Variants in MSRB3 observed in about 807,000 individuals in gnomAD.
MSRB3 encodes the protein methionine-R-sulfoxide reductase B3.
A neutral mutation model predicts 21.0 loss-of-function variants in MSRB3; 13 were observed. The observed-to-expected ratio is 0.62, with a 90% CI of 0.40 to 0.98. The LOEUF (loss-of-function observed/expected upper bound fraction) is 0.98. MSRB3 is among the 50% of genes least tolerant of loss of function. The probability of loss-of-function intolerance (pLI) is 0.00; values close to 1 mark genes in which losing one functional copy is unlikely to be tolerated. For synonymous variants in MSRB3, 87 were observed against 88.6 expected, an observed-to-expected ratio of 0.98 and a Z score of 0.10; for missense variants, 199 against 230.3, an observed-to-expected ratio of 0.86 and a Z score of 0.88.
intron 5 of MSRB3, among the ~76,000 whole-genome samples, chr12:65,420,527 G>T (rs1881236423): frequency 6.6e-6 from 1 of 151,868 alleles, no homozygotes; most frequent in South Asian, 2.1e-4. Context: ...TTGTTATATA[G>T]GTAAACTCAT....
At chr12:65,409,191 TAC>T (rs569976939) in intron 5 of MSRB3, among the ~76,000 whole-genome samples, 14 of 151,276 alleles carry the variant, frequency 9.3e-5, no homozygotes, top group Admixed American at 1.3e-4. Flanking sequence ...TGTGTGTATA[TAC>T]ACACACACAC....
intron 5 of MSRB3, among the ~76,000 whole-genome samples, chr12:65,416,101 C>T (rs1880959173): frequency 6.6e-6 from 1 of 152,208 alleles, no homozygotes; most frequent in Non-Finnish European, 1.5e-5. Flanking sequence ...AGCCCAGAGG[C>T]ATCTTACAAA....
intron 2 of MSRB3, among the ~76,000 whole-genome samples, chr12:65,326,185 G>C (rs1875015041): frequency 6.6e-6 from 1 of 151,958 alleles, no homozygotes; most frequent in African/African-American, 2.4e-5. Context: ...AAAGTTTCTT[G>C]CTGCCCATTT....
chr12:65,300,387 A>G (rs747892820), intron 1 of MSRB3, among the ~76,000 whole-genome samples: 1 of 152,170 alleles, frequency 6.6e-6, no homozygotes, highest in African/African-American at 2.4e-5. Flanking sequence ...GATATTTAGG[A>G]TAGAAGGGAT....
intron 5 of MSRB3, among the ~76,000 whole-genome samples, chr12:65,446,486 A>G (rs1467937045): frequency 6.6e-6 from 1 of 152,226 alleles, no homozygotes; most frequent in Non-Finnish European, 1.5e-5. Context: ...TTGCTTCTTC[A>G]AATGAAATAT....
At chr12:65,330,311 A>G (rs1242370177) in intron 4 of MSRB3, among the ~76,000 whole-genome samples, 1 of 152,338 alleles carries the variant, frequency 6.6e-6, no homozygotes, top group Non-Finnish European at 1.5e-5. Context: ...ATTTGATGTG[A>G]TATTGCCTCT....
At chr12:65,428,571 G>A (rs1429140369) in intron 5 of MSRB3, among the ~76,000 whole-genome samples, 1 of 152,152 alleles carries the variant, frequency 6.6e-6, no homozygotes, top group African/African-American at 2.4e-5. Context: ...CCTTAATTAA[G>A]TGAGTTTTTA....
intron 5 of MSRB3, among the ~76,000 whole-genome samples, chr12:65,432,467 A>G (rs142026073): frequency 2.0e-4 from 30 of 152,092 alleles, no homozygotes; most frequent in African/African-American, 6.7e-4. Context: ...AGAGATATAT[A>G]TGTTAACACA....
intron 5 of MSRB3, among the ~76,000 whole-genome samples, chr12:65,396,800 G>C (rs1879843784): frequency 6.6e-6 from 1 of 151,990 alleles, no homozygotes; most frequent in African/African-American, 2.4e-5. Flanking sequence ...GTCTATCTTG[G>C]TAAATATTTC....
intron 4 of MSRB3, among the ~76,000 whole-genome samples, chr12:65,345,305 T>C (rs529880818): frequency 1.3e-5 from 2 of 152,200 alleles, no homozygotes; most frequent in South Asian, 4.1e-4. Context: ...CATGTTGATA[T>C]TGTGTTCTGT....
intron 1 of MSRB3, among the ~76,000 whole-genome samples, chr12:65,280,845 A>G (rs1038404192): frequency 6.6e-6 from 1 of 152,200 alleles, no homozygotes; most frequent in African/African-American, 2.4e-5. Flanking sequence ...AATCCTTGCT[A>G]TTTTGCTCAA....
chr12:65,443,640 C>A (rs1201540143), intron 5 of MSRB3, among the ~76,000 whole-genome samples: 1 of 152,004 alleles, frequency 6.6e-6, no homozygotes, highest in African/African-American at 2.4e-5. Flanking sequence ...GGGGAGGGTT[C>A]TCTATCCTGG....
chr12:65,283,925 T>C (rs1185087053), intron 1 of MSRB3: 1 of 152,202 alleles, frequency 6.6e-6, no homozygotes, highest in East Asian at 1.9e-4. Flanking sequence ...TGAACACTAA[T>C]TTCCTGTATG....
At chr12:65,457,752 GAA>G (rs1268664950) in intron 6 of MSRB3, among the ~76,000 whole-genome samples, 1 of 141,542 alleles carries the variant, frequency 7.1e-6, no homozygotes, top group Non-Finnish European at 1.6e-5. Context: ...AAATTTACAA[GAA>G]AAAAAAAAAC....
chr12:65,377,425 C>A (rs1163645940), intron 5 of MSRB3, among the ~76,000 whole-genome samples: 1 of 152,038 alleles, frequency 6.6e-6, no homozygotes, highest in African/African-American at 2.4e-5. Context: ...GCGCCCTGCC[C>A]CCTCCTCCGT....
chr12:65,350,086 A>G (rs1488452284), intron 4 of MSRB3, among the ~76,000 whole-genome samples: 2 of 151,988 alleles, frequency 1.3e-5, no homozygotes, highest in African/African-American at 4.8e-5. Flanking sequence ...TGATTTTTGT[A>G]TAAGGTGTAA....
chr12:65,321,072 A>C (rs962300068), intron 2 of MSRB3, among the ~76,000 whole-genome samples: 5 of 152,180 alleles, frequency 3.3e-5, no homozygotes, highest in Non-Finnish European at 7.4e-5. Flanking sequence ...ATTTAAGATT[A>C]TAATCCTTAT....
chr12:65,417,224 G>A (rs1723609531), intron 5 of MSRB3, among the ~76,000 whole-genome samples: 1 of 152,060 alleles, frequency 6.6e-6, no homozygotes, highest in African/African-American at 2.4e-5. Flanking sequence ...TCTAATTGGT[G>A]TTTGCCCCTC....
At chr12:65,292,948 A>T (rs545332181) in intron 1 of MSRB3, among the ~76,000 whole-genome samples, 1 of 152,176 alleles carries the variant, frequency 6.6e-6, no homozygotes, top group Non-Finnish European at 1.5e-5. Context: ...GGAATAAATA[A>T]GATTGTCTAA....
Sources: gnomAD v4.1 joint callset for allele counts (sites outside exome capture counted in the v4.1 genomes callset) on GRCh38, gnomAD v4.1.1 for gene constraint, MANE v1.5 for transcripts, NCBI Gene and HGNC (gene_info 2026-07-23, HGNC 2026-07-21) for gene names.